Variants in CTBP2 observed in about 807,000 individuals in gnomAD.
CTBP2 encodes the protein C-terminal-binding protein 2.
Under a neutral mutation model 80.3 loss-of-function variants are expected in CTBP2, and 30 were observed. The ratio of observed to expected loss-of-function variants is 0.37; its 90% CI spans 0.28 to 0.51. CTBP2 has a LOEUF of 0.51. Ranked by LOEUF, CTBP2 falls within the 20% of genes least tolerant of loss-of-function variation. The pLI is 0.93. For synonymous variants in CTBP2, 594 were observed against 587.4 expected (o/e 1.01, Z -0.16); for missense variants, 1,212 against 1,375.3 (o/e 0.88, Z 1.88).
At chr10:125,025,782 T>C (rs1325156733) in intron 1 of CTBP2, among the ~76,000 whole-genome samples, 1 of 152,180 alleles carries the variant, frequency 6.6e-6, no homozygotes, top group African/African-American at 2.4e-5. Context: ...ACTTGCGACT[T>C]TCTCCAAGAA....
chr10:125,080,606 C>CCAGA (rs751852249), intron 2 of CTBP2, among the ~76,000 whole-genome samples: 1 of 152,202 alleles, frequency 6.6e-6, no homozygotes, highest in Non-Finnish European at 1.5e-5. Flanking sequence ...CAAAGGGTCT[C>CCAGA]CAGACGCACA....
chr10:125,062,527 G>A (rs998614743), intron 2 of CTBP2, among the ~76,000 whole-genome samples: 10 of 152,072 alleles, frequency 6.6e-5, no homozygotes, highest in African/African-American at 1.9e-4. Context: ...AACTCAGCGC[G>A]AGGGGTTAGA....
chr10:125,064,801 G>A (rs1363616992), intron 2 of CTBP2, among the ~76,000 whole-genome samples: 1 of 152,190 alleles, frequency 6.6e-6, no homozygotes, highest in Non-Finnish European at 1.5e-5. Flanking sequence ...TCAGCCCAAG[G>A]CTTGTGGTTA....
At chr10:125,089,642 C>T (rs530551895) in intron 2 of CTBP2, among the ~76,000 whole-genome samples, 9 of 152,216 alleles carry the variant, frequency 5.9e-5, no homozygotes, top group Non-Finnish European at 1.2e-4. Context: ...GATGTGCAGG[C>T]GAGAGCAGCT....
At chr10:125,155,397 T>C (rs149145303) in intron 1 of CTBP2, among the ~76,000 whole-genome samples, 11 of 147,928 alleles carry the variant, frequency 7.4e-5, no homozygotes, top group South Asian at 2.1e-4. Context: ...CATTTGTGAA[T>C]CCCCCCTTTT....
chr10:125,003,528 T>A, intron 1 of CTBP2, 36 bp from the exon 4 acceptor site: 1 of 1,502,942 alleles, frequency 6.7e-7, no homozygotes, highest in South Asian at 1.4e-5. Flanking sequence ...AGTGGGTGGG[T>A]GGCTGGGGCC....
intron 3 of CTBP2, among the ~76,000 whole-genome samples, chr10:125,033,146 G>A (rs1054723860): frequency 2.0e-5 from 3 of 152,214 alleles, no homozygotes; most frequent in Admixed American, 6.5e-5. Context: ...CTCTTCAACC[G>A]GAACACGGAA....
At chr10:125,002,540 CA>C (rs1028481710) in intron 3 of CTBP2, among the ~76,000 whole-genome samples, 1 of 152,208 alleles carries the variant, frequency 6.6e-6, no homozygotes, top group African/African-American at 2.4e-5. Flanking sequence ...CCCATGTGGA[CA>C]GGGGCCTAGA....
intron 1 of CTBP2, among the ~76,000 whole-genome samples, chr10:125,141,140 C>CAA (rs111428779): frequency 7.8e-6 from 1 of 128,744 alleles, no homozygotes; most frequent in Non-Finnish European, 1.7e-5. Context: ...GAGACTCTGT[C>CAA]AAAAAAAAAA....
At position 125,027,040 on chromosome 10, in the gene CTBP2, A is replaced by G; in HGVS notation, c.720T>C (p.Ala240=). The change falls in exon 1 of 9, where the codon GCT becomes GCC. Residue 240 remains alanine, a synonymous_variant. Transcript: ENST00000309035. Reference sequence around the variant, plus strand: ...CCACCCCTGTGCTGCCTTCGGGGGCAGCAGCTGAACTGGGGTCCACAACCA... The same window carrying G: ...CCACCCCTGTGCTGCCTTCGGGGGCGGCAGCTGAACTGGGGTCCACAACCA... 1 of 1,613,516 alleles carries G rather than the reference A, an allele frequency of 6.2e-7. No homozygotes were observed. Among genetic ancestry groups the G allele is most frequent in the Admixed American group, 1.7e-5 (1 of 60,012 alleles).
intron 2 of CTBP2, among the ~76,000 whole-genome samples, chr10:125,081,037 C>T (rs1442535348): frequency 6.6e-6 from 1 of 151,890 alleles, no homozygotes; most frequent in African/African-American, 2.4e-5. Flanking sequence ...TCAAAGTTAA[C>T]CCCACCAATA....
chr10:125,137,791 C>A (rs575028972), intron 1 of CTBP2, among the ~76,000 whole-genome samples: 20 of 152,322 alleles, frequency 1.3e-4, no homozygotes, highest in Admixed American at 5.2e-4. Flanking sequence ...CTTTTTCCTT[C>A]CTGCTTTTGT....
Position 125,104,612 on chromosome 10 carries a change from C to T in CTBP2, c.-102+6378G>A, listed in dbSNP as rs527236277. Among the ~76,000 whole-genome samples, 6 of 152,320 alleles carry T rather than the reference C, an allele frequency of 3.9e-5. No individual in the cohort carries two copies. The East Asian group carries it at 7.7e-4, about 20-fold the overall frequency. The stretch of plus-strand genomic sequence containing the variant: ...ACGGAGGCTACTCGCATGTATTACC[C>T]GTGTGCTCACACACAAATGCCGATG... On this transcript the variant is annotated intron_variant, in intron 2 of 10. Coordinates refer to the CTBP2 transcript ENST00000337195.
intron 2 of CTBP2, among the ~76,000 whole-genome samples, chr10:125,101,573 T>TACCAG (rs1370295978): frequency 6.6e-6 from 1 of 152,202 alleles, no homozygotes; most frequent in African/African-American, 2.4e-5. Flanking sequence ...AAAACATTAT[T>TACCAG]ACCAGGTCGA....
intron 8 of CTBP2, 71 bp downstream of exon 10, chr10:124,992,624 T>G: frequency 8.8e-7 from 1 of 1,131,442 alleles, no homozygotes; most frequent in South Asian, 1.4e-5. Context: ...TTCCGCCAAG[T>G]TTGGGCTTCT....
intron 1 of CTBP2, among the ~76,000 whole-genome samples, chr10:125,126,377 G>C (rs1030723691): frequency 1.3e-5 from 2 of 152,230 alleles, no homozygotes; most frequent in Admixed American, 1.3e-4. Context: ...AAGACATCAA[G>C]AGTTAAGGGG....
At chr10:125,153,225 G>A (rs1388275517) in intron 1 of CTBP2, among the ~76,000 whole-genome samples, 1 of 152,244 alleles carries the variant, frequency 6.6e-6, no homozygotes, top group African/African-American at 2.4e-5. Context: ...ACCGTTCCTG[G>A]GACATGGCTT....
At chr10:125,150,955 C>T (rs1027897703) in intron 1 of CTBP2, among the ~76,000 whole-genome samples, 11 of 150,608 alleles carry the variant, frequency 7.3e-5, no homozygotes, top group African/African-American at 2.7e-4. Context: ...GATCGGCTCT[C>T]CAGCCCTGGC....
At chr10:125,044,765 C>A (rs1960804359) in intron 2 of CTBP2, among the ~76,000 whole-genome samples, 1 of 152,158 alleles carries the variant, frequency 6.6e-6, no homozygotes, top group African/African-American at 2.4e-5. Context: ...GAGCCTGTCT[C>A]AAACTTAAAG....
Sources: gnomAD v4.1 joint callset for allele counts (sites outside exome capture counted in the v4.1 genomes callset) on GRCh38, gnomAD v4.1.1 for gene constraint, MANE v1.5 for transcripts, NCBI Gene and HGNC (gene_info 2026-07-23, HGNC 2026-07-21) for gene names.